GKAP1: variants seen among roughly 807,000 people sequenced by gnomAD.
GKAP1 encodes the protein G kinase-anchoring protein 1.
In GKAP1, 31 loss-of-function variants were observed where a neutral mutation model predicts 56.7. The ratio of observed to expected loss-of-function variants is 0.55; its 90% CI spans 0.41 to 0.74. The LOEUF is 0.74. GKAP1 is among the 30% of genes least tolerant of loss of function. The pLI is 0.00. For missense variants in GKAP1, 364 were observed against 402.3 expected (o/e 0.90, Z 0.82); for synonymous variants, 151 against 138.6 (o/e 1.09, Z -0.63).
At chr9:83,812,376 G>T (rs1312525352) in intron 2 of GKAP1, among the ~76,000 whole-genome samples, 2 of 148,300 alleles carry the variant, frequency 1.3e-5, no homozygotes, top group African/African-American at 4.9e-5. Flanking sequence ...TTTAGACAGG[G>T]TCTTACTCAC....
chr9:83,803,472 C>G (rs1338168625), intron 3 of GKAP1, among the ~76,000 whole-genome samples: 1 of 152,242 alleles, frequency 6.6e-6, no homozygotes, highest in Non-Finnish European at 1.5e-5. Context: ...CCGGGCTGGT[C>G]TCCAGCTCCT....
intron 8 of GKAP1, among the ~76,000 whole-genome samples, chr9:83,756,338 G>A (rs1943475140): frequency 6.6e-6 from 1 of 151,630 alleles, no homozygotes; most frequent in Non-Finnish European, 1.5e-5. Context: ...GGGTGTGGTG[G>A]CACATGCCTT....
intron 4 of GKAP1, among the ~76,000 whole-genome samples, chr9:83,797,902 C>A (rs1009431620): frequency 6.6e-6 from 1 of 151,970 alleles, no homozygotes; most frequent in Non-Finnish European, 1.5e-5. Context: ...AGTAGATCAT[C>A]AAAACATTTA....
intron 8 of GKAP1, among the ~76,000 whole-genome samples, chr9:83,765,980 C>T (rs7023396): frequency 0.56 from 85,676 of 151,956 alleles, 24,765 homozygotes; most frequent in Admixed American, 0.7. Context: ...GGACATGAGA[C>T]TTGGGAGGGG....
At chr9:83,746,412 T>C (rs968384058) in intron 10 of GKAP1, among the ~76,000 whole-genome samples, 3 of 152,180 alleles carry the variant, frequency 2.0e-5, no homozygotes, top group Non-Finnish European at 2.9e-5. Flanking sequence ...AAATCATCTC[T>C]AGATTACTAG....
At position 83,787,253 on chromosome 9, in the gene GKAP1, A is replaced by G. The variant is rs528991420; in HGVS notation, c.438+1348T>C. Among the ~76,000 whole-genome samples the G allele has an allele frequency of 2.5e-4, 38 of 152,288 alleles. 1 individual carries two copies. In the East Asian group the frequency reaches 7.1e-3, roughly 29 times the overall value. On this transcript the variant is annotated intron_variant, in intron 5 of 12. Transcript: ENST00000376371. Reference sequence around the variant, plus strand: ...ATCAATGCTGTGAATTTTTTTGTTAAGATGGGATCTCCCTTTCTTGCCCAG... The same window carrying G: ...ATCAATGCTGTGAATTTTTTTGTTAGGATGGGATCTCCCTTTCTTGCCCAG...
At chr9:83,790,636 CAAAACAAA>C (rs1944140292) in intron 4 of GKAP1, among the ~76,000 whole-genome samples, 1 of 132,602 alleles carries the variant, frequency 7.5e-6, no homozygotes, top group Admixed American at 8.9e-5. Context: ...CAAAACAAAA[CAAAACAAA>C]AAAACAAACA....
chr9:83,804,433 C>A (rs1347999852), intron 3 of GKAP1, among the ~76,000 whole-genome samples: 1 of 135,164 alleles, frequency 7.4e-6, no homozygotes, highest in Non-Finnish European at 1.6e-5. Flanking sequence ...GCCACCCCGT[C>A]CGGGAGGTGA....
At chr9:83,744,530 C>CATATTTATGTA (rs1252398127) in intron 10 of GKAP1, among the ~76,000 whole-genome samples, 1 of 152,156 alleles carries the variant, frequency 6.6e-6, no homozygotes, top group Non-Finnish European at 1.5e-5. Context: ...GGTAAAGTGC[C>CATATTTATGTA]ATATTTATGT....
chr9:83,742,845 T>G (rs1300551022), intron 10 of GKAP1, among the ~76,000 whole-genome samples: 2 of 152,202 alleles, frequency 1.3e-5, no homozygotes, highest in African/African-American at 4.8e-5. Context: ...CTTAGAAATT[T>G]TACATTTTCT....
chr9:83,812,184 TATATATATACAC>T (rs553885518), intron 2 of GKAP1, among the ~76,000 whole-genome samples: 5 of 150,028 alleles, frequency 3.3e-5, no homozygotes, highest in Admixed American at 6.7e-5. Flanking sequence ...ACTATATAAA[TATATATATACAC>T]ATATATATAC....
At chr9:83,766,898 C>T (rs558626644) in intron 8 of GKAP1, among the ~76,000 whole-genome samples, 2 of 152,074 alleles carry the variant, frequency 1.3e-5, no homozygotes, top group African/African-American at 2.4e-5. Context: ...CAATATTGTG[C>T]GAGCCAGTGC....
intron 2 of GKAP1, among the ~76,000 whole-genome samples, chr9:83,812,345 GTA>G (rs763701413): frequency 3.5e-5 from 5 of 143,516 alleles, no homozygotes; most frequent in Non-Finnish European, 6.0e-5. Context: ...ATATATACAC[GTA>G]TATATATATA....
intron 8 of GKAP1, among the ~76,000 whole-genome samples, chr9:83,753,795 C>A (rs546253074): frequency 1.1e-4 from 17 of 152,082 alleles, no homozygotes; most frequent in Non-Finnish European, 2.1e-4. Context: ...AATTTCCTCA[C>A]AACAGCAAGA....
At chr9:83,746,084 C>T (rs1943288940) in intron 10 of GKAP1, among the ~76,000 whole-genome samples, 1 of 152,116 alleles carries the variant, frequency 6.6e-6, no homozygotes, top group African/African-American at 2.4e-5. Flanking sequence ...AGCCACTGCG[C>T]CTGGCCTCCC....
intron 7 of GKAP1, among the ~76,000 whole-genome samples, chr9:83,772,035 T>C (rs560728323): frequency 2.0e-5 from 3 of 152,046 alleles, no homozygotes; most frequent in African/African-American, 7.2e-5. Context: ...AAGATACTGA[T>C]AACAAACTAT....
At chr9:83,773,270 C>T (rs1485099148) in intron 7 of GKAP1, among the ~76,000 whole-genome samples, 1 of 152,152 alleles carries the variant, frequency 6.6e-6, no homozygotes, top group East Asian at 1.9e-4. Context: ...AGAAGCCAAA[C>T]ACAAAGACTA....
intron 2 of GKAP1, among the ~76,000 whole-genome samples, chr9:83,812,348 T>C (rs1368157083): frequency 1.4e-5 from 2 of 147,996 alleles, no homozygotes; most frequent in African/African-American, 4.9e-5. Flanking sequence ...TATACACGTA[T>C]ATATATATAT....
intron 7 of GKAP1, among the ~76,000 whole-genome samples, chr9:83,779,472 T>TACAAAC (rs1943921439): frequency 8.5e-6 from 1 of 117,750 alleles, no homozygotes; most frequent in Non-Finnish European, 1.8e-5. Context: ...CACGCACATA[T>TACAAAC]ACATATACAT....
Sources: gnomAD v4.1 joint callset for allele counts (sites outside exome capture counted in the v4.1 genomes callset) on GRCh38, gnomAD v4.1.1 for gene constraint, MANE v1.5 for transcripts, NCBI Gene and HGNC (gene_info 2026-07-23, HGNC 2026-07-21) for gene names.